The following GALNT14 variants were observed in gnomAD, a reference collection of about 807,000 sequenced individuals.
The protein encoded by GALNT14 is UDP-GalNAc:polypeptide N-acetylgalactosaminyltransferase 14.
GALNT14 carries 60 observed loss-of-function variants against 77.5 expected under a neutral mutation model. That is an observed-to-expected ratio of 0.77 (90% CI 0.63 to 0.96). The LOEUF is 0.96. Ranked by LOEUF, GALNT14 falls within the 40% of genes least tolerant of loss-of-function variation. The pLI is 0.00. For missense variants in GALNT14, 710 were observed against 731.0 expected, an observed-to-expected ratio of 0.97 and a Z score of 0.33; for synonymous variants, 280 against 281.7, an observed-to-expected ratio of 0.99 and a Z score of 0.06.
At chr2:31,017,962 G>T (rs1480221139) in intron 1 of GALNT14, among the ~76,000 whole-genome samples, 1 of 152,204 alleles carries the variant, frequency 6.6e-6, no homozygotes, top group Admixed American at 6.5e-5. Context: ...GGTGACAAGG[G>T]TAAAATTGCC....
intron 6 of GALNT14, among the ~76,000 whole-genome samples, chr2:30,946,837 A>T (rs1666725259): frequency 6.6e-6 from 1 of 152,134 alleles, no homozygotes; most frequent in African/African-American, 2.4e-5. Context: ...AATAGTCACA[A>T]ATTTGTACCA....
intron 1 of GALNT14, chr2:31,125,046 G>T: frequency 1.3e-6 from 1 of 741,762 alleles, no homozygotes; most frequent in Non-Finnish European, 2.3e-6. Flanking sequence ...GACATCCTGG[G>T]GTGCGCCCAG....
intron 14 of GALNT14, 40 bp from the exon 15 acceptor site, chr2:30,911,099 T>C: frequency 6.3e-7 from 1 of 1,595,174 alleles, no homozygotes; most frequent in East Asian, 2.2e-5. Flanking sequence ...CTAGGTGCCA[T>C]CAGTAACATG....
At chr2:30,945,642 C>G in intron 7 of GALNT14, 141 bp downstream of exon 7, 1 of 693,392 alleles carries the variant, frequency 1.4e-6, no homozygotes, top group South Asian at 1.7e-5. Context: ...AAGGGCCAAG[C>G]TAAGGTAATT....
chr2:30,972,976 C>T (rs1668450115), intron 2 of GALNT14, among the ~76,000 whole-genome samples: 2 of 152,218 alleles, frequency 1.3e-5, no homozygotes, highest in Admixed American at 1.3e-4. Flanking sequence ...TATTACTAAA[C>T]AAAAAGCTAT....
intron 3 of GALNT14, among the ~76,000 whole-genome samples, chr2:30,960,896 T>C (rs1667653930): frequency 6.6e-6 from 1 of 152,202 alleles, no homozygotes. Context: ...CACCCTTCCT[T>C]TGCCTCAGCA....
chr2:31,131,521 G>C (rs1278998862), intron 1 of GALNT14, among the ~76,000 whole-genome samples: 1 of 152,134 alleles, frequency 6.6e-6, no homozygotes, highest in Non-Finnish European at 1.5e-5. Context: ...AATGCATTGG[G>C]GACTTTGGGA....
At chr2:30,997,507 C>T (rs1042579584) in intron 1 of GALNT14, among the ~76,000 whole-genome samples, 2 of 152,152 alleles carry the variant, frequency 1.3e-5, no homozygotes, top group African/African-American at 4.8e-5. Context: ...AGAACAAATA[C>T]CCAGGAGCTC....
At chr2:30,955,483 TA>T in intron 6 of GALNT14, 134 bp downstream of exon 6, 1 of 1,222,466 alleles carries the variant, frequency 8.2e-7, no homozygotes, top group Non-Finnish European at 1.1e-6. Context: ...CCTTCATCAA[TA>T]AAATCGGGAC....
chr2:30,887,121 T>A, the GALNT14 span, among the ~76,000 whole-genome samples: 29,390 of 152,214 alleles, frequency 0.19, 3,017 homozygotes, highest in African/African-American at 0.24. Context: ...TTATCCATTC[T>A]TCCATTGATG....
intron 1 of GALNT14, among the ~76,000 whole-genome samples, chr2:31,030,035 A>G (rs1199271158): frequency 6.6e-6 from 1 of 152,218 alleles, no homozygotes; most frequent in Non-Finnish European, 1.5e-5. Flanking sequence ...TGCATATCAT[A>G]CAGAATTATT....
intron 1 of GALNT14, among the ~76,000 whole-genome samples, chr2:31,088,169 G>A (rs1226549005): frequency 6.6e-6 from 1 of 152,238 alleles, no homozygotes; most frequent in Non-Finnish European, 1.5e-5. Context: ...AGCGATTGCG[G>A]CAGAGGCCAC....
intron 1 of GALNT14, among the ~76,000 whole-genome samples, chr2:31,130,730 ACC>A (rs1308027561): frequency 1.9e-5 from 2 of 105,380 alleles, no homozygotes; most frequent in South Asian, 3.4e-4. Context: ...TCCCCAGGGT[ACC>A]TCTGTGTGTG....
At chr2:31,125,015 T>C in intron 1 of GALNT14, 1 of 632,012 alleles carries the variant, frequency 1.6e-6, no homozygotes. Flanking sequence ...AGCCTCCTGC[T>C]GGATGCAACT....
At chr2:30,924,284 G>A (rs768293986) in intron 12 of GALNT14, 21 bp from the exon 13 acceptor site, 2 of 1,613,554 alleles carry the variant, frequency 1.2e-6, no homozygotes, top group Admixed American at 1.7e-5. Flanking sequence ...GTCACAGGGA[G>A]AGAGGAGAGT....
chr2:30,995,002 G>T (rs925676697), intron 1 of GALNT14, among the ~76,000 whole-genome samples: 1 of 152,112 alleles, frequency 6.6e-6, no homozygotes, highest in Admixed American at 6.5e-5. Flanking sequence ...AAATGAGTTC[G>T]ATCTTGAAGG....
At chr2:31,079,509 T>C (rs2148581523) in intron 1 of GALNT14, among the ~76,000 whole-genome samples, 1 of 151,916 alleles carries the variant, frequency 6.6e-6, no homozygotes, top group East Asian at 1.9e-4. Context: ...CAGGTGGAGG[T>C]TGTTAAGGGA....
At chr2:30,919,187 A>C (rs1215772153) in intron 13 of GALNT14, among the ~76,000 whole-genome samples, 3 of 139,118 alleles carry the variant, frequency 2.2e-5, no homozygotes, top group African/African-American at 5.4e-5. Context: ...CAATAAAGTT[A>C]AGAGGAAACT....
chr2:31,046,314 C>T (rs1174228838), intron 1 of GALNT14, among the ~76,000 whole-genome samples: 1 of 151,632 alleles, frequency 6.6e-6, no homozygotes, highest in Non-Finnish European at 1.5e-5. Flanking sequence ...GCAACCTCCA[C>T]CTCCTGGGTT....
Sources: gnomAD v4.1 joint callset for allele counts (sites outside exome capture counted in the v4.1 genomes callset) on GRCh38, gnomAD v4.1.1 for gene constraint, MANE v1.5 for transcripts, NCBI Gene and HGNC (gene_info 2026-07-23, HGNC 2026-07-21) for gene names.